UBP1: variants seen among roughly 807,000 people sequenced by gnomAD.
UBP1 encodes the protein upstream binding protein 1.
In UBP1, 22 loss-of-function variants were observed where a neutral mutation model predicts 76.1. The observed-to-expected ratio is 0.29, with a 90% CI of 0.21 to 0.41. The LOEUF (loss-of-function observed/expected upper bound fraction) is 0.41, where lower values mean the gene tolerates loss of function less well. UBP1 is among the 10% of genes least tolerant of loss of function. The probability of loss-of-function intolerance (pLI) is 1.00; values close to 1 mark genes in which losing one functional copy is unlikely to be tolerated. For synonymous variants in UBP1, 224 were observed against 237.1 expected (o/e 0.94, Z 0.51); for missense variants, 436 against 668.1 (o/e 0.65, Z 3.83).
At chr3:33,423,149 C>G (rs2044945747) in intron 2 of UBP1, among the ~76,000 whole-genome samples, 1 of 151,638 alleles carries the variant, frequency 6.6e-6, no homozygotes. Context: ...AAGTGATTCT[C>G]CTGCCTTGGC....
intron 5 of UBP1, among the ~76,000 whole-genome samples, chr3:33,409,905 C>T (rs367661985): frequency 6.6e-6 from 1 of 152,278 alleles, no homozygotes; most frequent in East Asian, 1.9e-4. Flanking sequence ...GTATACTGCC[C>T]ACCTCCACCT....
At chr3:33,390,612 G>C in intron 15 of UBP1, 1 of 552,552 alleles carries the variant, frequency 1.8e-6, no homozygotes, top group Non-Finnish European at 3.3e-6. Flanking sequence ...TTCCAACACT[G>C]TCTGCCAGTT....
At chr3:33,394,653 T>G (rs1385780305) in intron 13 of UBP1, among the ~76,000 whole-genome samples, 1 of 152,134 alleles carries the variant, frequency 6.6e-6, no homozygotes, top group Admixed American at 6.5e-5. Context: ...ATATCATTAC[T>G]GAGAACTTTG....
intron 2 of UBP1, among the ~76,000 whole-genome samples, chr3:33,417,717 T>C (rs2044765646): frequency 6.6e-6 from 1 of 152,158 alleles, no homozygotes; most frequent in Admixed American, 6.5e-5. Flanking sequence ...TATTAAATAA[T>C]AAAAATGACA....
chr3:33,412,186 C>T (rs988269887), intron 4 of UBP1, among the ~76,000 whole-genome samples: 46 of 63,444 alleles, frequency 7.3e-4, no homozygotes, highest in Admixed American at 3.3e-3. Flanking sequence ...AACTCCGTCT[C>T]AAAAAAAAAA....
At position 33,437,914 on chromosome 3, in the gene UBP1, AGT is replaced by A. The variant is rs149996871; in HGVS notation, c.113+1820_113+1821del. ...CAAGAGGCAAGCACTCTCATCTCTT[AGT>A]TTTTGAGGACTCAATTAAATACGAA... is the stretch of plus-strand genomic sequence containing the variant. On this transcript the variant is annotated intron_variant, in intron 1 of 15. Coordinates refer to ENST00000283629, the MANE Select transcript of UBP1 (RefSeq NM_014517.5). 5.3e-3 allele frequency among the ~76,000 whole-genome samples: 806 copies of A among 152,320 alleles called. 5 individuals are homozygous for A. Among genetic ancestry groups the A allele is most frequent in the African/African-American group, 0.018 (749 of 41,560 alleles).
At chr3:33,428,478 A>AG (rs1248582762) in intron 1 of UBP1, among the ~76,000 whole-genome samples, 2 of 151,188 alleles carry the variant, frequency 1.3e-5, no homozygotes, top group African/African-American at 4.9e-5. Flanking sequence ...GCTTTTTTTA[A>AG]TAAATTGTCA....
chr3:33,390,587 C>CT (rs1277269831), intron 15 of UBP1: 1 of 588,218 alleles, frequency 1.7e-6, no homozygotes, highest in Non-Finnish European at 3.0e-6. Context: ...GCCTGGCCCA[C>CT]TATCAACGCC....
intron 3 of UBP1, among the ~76,000 whole-genome samples, chr3:33,413,391 C>CA (rs1396203596): frequency 6.6e-6 from 1 of 151,264 alleles, no homozygotes; most frequent in Non-Finnish European, 1.5e-5. Context: ...ACAAAAAATA[C>CA]AAAAAATTAG....
At chr3:33,419,860 T>C (rs2044841494) in intron 2 of UBP1, among the ~76,000 whole-genome samples, 1 of 152,262 alleles carries the variant, frequency 6.6e-6, no homozygotes, top group African/African-American at 2.4e-5. Context: ...CCAGTATTAA[T>C]GAAATATAAA....
At chr3:33,425,561 C>T (rs2044996284) in intron 2 of UBP1, 29 bp downstream of exon 2, 1 of 1,483,024 alleles carries the variant, frequency 6.7e-7, no homozygotes, top group East Asian at 2.3e-5. Context: ...TAAATTCTTA[C>T]ATGTCAAATG....
chr3:33,429,633 T>G (rs928484514), intron 1 of UBP1, among the ~76,000 whole-genome samples: 2 of 152,168 alleles, frequency 1.3e-5, no homozygotes, highest in African/African-American at 4.8e-5. Flanking sequence ...CAGGCCCAAA[T>G]GATGCATTTT....
chr3:33,402,858 G>A lies in UBP1; in HGVS notation c.974C>T (p.Pro325Leu). The change falls in exon 9 of 16, where the codon CCT becomes CTT. Residue 325 changes from proline to leucine, a missense_variant. By Grantham distance (98) the Pro-to-Leu change is moderately conservative. Transcript: ENST00000283629. ...GGAGGTGAAAGTGGGCGCTGGGGAA[G>A]GGCTGTTATTCACATAGGCTGTGGG... ...DAPTAYVNNS[P>L]SPAPTFTSPQ... 6.2e-7 allele frequency: 1 copy of A among 1,610,398 alleles called. No homozygotes were observed. The highest frequency in any genetic ancestry group is 8.5e-7 in the Non-Finnish European group (1 of 1,178,746).
rs148585909 is a variant in UBP1 at position 33,424,404 on chromosome 3, T to C, written c.265+1186A>G. 5.8e-3 allele frequency among the ~76,000 whole-genome samples: 882 copies of C among 152,348 alleles called. 13 individuals are homozygous for C. The highest frequency in any genetic ancestry group is 0.037 in the Middle Eastern group (11 of 294). On this transcript the variant is annotated intron_variant, in intron 2 of 15. Coordinates refer to ENST00000283629, the MANE Select transcript of UBP1 (RefSeq NM_014517.5). ...TAAAAGTCTAAAATCTATTGCTCTT[T>C]CCAAAACTTCGAGTAAAAATTCTAT...
chr3:33,414,733 A>G (rs2044686677), intron 3 of UBP1, among the ~76,000 whole-genome samples: 1 of 152,166 alleles, frequency 6.6e-6, no homozygotes, highest in Admixed American at 6.5e-5. Flanking sequence ...TACAGAATAT[A>G]ACTGCATGCC....
rs114115311 is a variant in UBP1, at chr3:33,433,968, A to G, written c.113+5768T>C. ...AGTATCAGTCATAGAACCTACAGCT[A>G]AGAAAAAAAAAGAAAAAAGCATCAG... On this transcript the variant is annotated intron_variant, in intron 1 of 15. Coordinates refer to ENST00000283629, the MANE Select transcript of UBP1 (RefSeq NM_014517.5). Among the ~76,000 whole-genome samples, 1,044 of 152,254 alleles carry G rather than the reference A, an allele frequency of 6.9e-3. 12 individuals are homozygous for G. Among genetic ancestry groups the G allele is most frequent in the African/African-American group, 0.023 (952 of 41,544 alleles).
intron 4 of UBP1, among the ~76,000 whole-genome samples, chr3:33,412,328 G>A (rs113343649): frequency 0.014 from 2,109 of 151,464 alleles, 21 homozygotes; most frequent in South Asian, 0.026. Flanking sequence ...TTTATAATAC[G>A]AGGATGGGAA....
At chr3:33,435,372 C>T (rs2045188712) in intron 1 of UBP1, among the ~76,000 whole-genome samples, 1 of 152,000 alleles carries the variant, frequency 6.6e-6, no homozygotes, top group Non-Finnish European at 1.5e-5. Context: ...AGATGTTCCC[C>T]GACATATAAT....
chr3:33,391,293 C>T (rs1448650714), intron 15 of UBP1: 1 of 152,208 alleles, frequency 6.6e-6, no homozygotes, highest in Non-Finnish European at 1.5e-5. Flanking sequence ...TGGATCTTAG[C>T]TCACCTGACT....
Sources: gnomAD v4.1 joint callset for allele counts (sites outside exome capture counted in the v4.1 genomes callset) on GRCh38, gnomAD v4.1.1 for gene constraint, MANE v1.5 for transcripts, NCBI Gene and HGNC (gene_info 2026-07-23, HGNC 2026-07-21) for gene names.